The following INVS variants were observed in gnomAD, a reference collection of about 807,000 sequenced individuals.
The protein encoded by INVS is inversin, also known as inversion of embryo turning homolog.
A neutral mutation model predicts 108.8 loss-of-function variants in INVS; 86 were observed. The ratio of observed to expected loss-of-function variants is 0.79; its 90% CI spans 0.66 to 0.95. The LOEUF is 0.95. INVS is among the 40% of genes least tolerant of loss of function. The pLI is 0.00. For missense variants in INVS, 1,169 were observed against 1,297.4 expected, an observed-to-expected ratio of 0.90 and a Z score of 1.52; for synonymous variants, 455 against 473.5, an observed-to-expected ratio of 0.96 and a Z score of 0.51.
Position 100,231,275 on chromosome 9 carries a change from T to C in INVS, c.615+1448T>C, listed in dbSNP as rs927587562. On this transcript the variant is annotated intron_variant, in intron 5 of 16. Transcript: ENST00000262457. Reference sequence around the variant, plus strand: ...GATACTAAAAGTATTATTTTGTATATGCAATGCTTAGCTCTGCATTTTTTT... The same window carrying C: ...GATACTAAAAGTATTATTTTGTATACGCAATGCTTAGCTCTGCATTTTTTT... Among the ~76,000 whole-genome samples, 24 of 152,230 alleles carry C rather than the reference T, an allele frequency of 1.6e-4. 1 individual carries two copies. Among genetic ancestry groups the C allele is most frequent in the Admixed American group, 1.6e-3 (24 of 15,280 alleles).
intron 3 of INVS, among the ~76,000 whole-genome samples, chr9:100,150,155 A>C (rs1246334621): frequency 6.6e-6 from 1 of 152,146 alleles, no homozygotes; most frequent in Non-Finnish European, 1.5e-5. Flanking sequence ...CTTTAAATAC[A>C]CTGTTTTTTC....
At chr9:100,270,017 A>G (rs1478933782) in intron 11 of INVS, among the ~76,000 whole-genome samples, 1 of 152,176 alleles carries the variant, frequency 6.6e-6, no homozygotes, top group Non-Finnish European at 1.5e-5. Context: ...TGTTTAACAG[A>G]TGAGGAAAAC....
Position 100,208,484 on chromosome 9 carries a change from G to T in INVS, c.274-17578G>T, listed in dbSNP as rs59127855. ...ATCTAAGAAATCCCATCCATAGTGT[G>T]GAACTGAAGTAGAGAAGGCAAAAGA... is the stretch of plus-strand genomic sequence containing the variant. On this transcript the variant is annotated intron_variant, in intron 3 of 16. Transcript: ENST00000262457. 5.9e-3 allele frequency among the ~76,000 whole-genome samples: 892 copies of T among 152,218 alleles called. 9 individuals are homozygous for T. The highest frequency in any genetic ancestry group is 0.02 in the African/African-American group (838 of 41,538).
At chr9:100,227,388 T>A (rs1831362155) in intron 4 of INVS, among the ~76,000 whole-genome samples, 1 of 152,194 alleles carries the variant, frequency 6.6e-6, no homozygotes, top group Non-Finnish European at 1.5e-5. Flanking sequence ...TTAAATTATC[T>A]AATTGTAGAT....
In INVS at chr9:100,220,783, G is replaced by T. The variant is rs149846319; in HGVS notation, c.274-5279G>T. Among the ~76,000 whole-genome samples the T allele has an allele frequency of 7.2e-4, 109 of 152,234 alleles. 1 individual carries two copies. Among genetic ancestry groups the T allele is most frequent in the African/African-American group, 2.4e-3 (100 of 41,544 alleles). On this transcript the variant is annotated intron_variant, in intron 3 of 16. Coordinates refer to ENST00000262457, the MANE Select transcript of INVS (RefSeq NM_014425.5). ...AGGCTGAGGCAGGCGGATCACCTGA[G>T]GTCAGGAGTTTGAGACCAGCCTGGC...
chr9:100,272,748 A>G (rs1832994183), intron 11 of INVS, 116 bp from the exon 12 acceptor site: 2 of 982,074 alleles, frequency 2.0e-6, no homozygotes, highest in Middle Eastern at 4.9e-4. Flanking sequence ...TGCCTGGGGA[A>G]TATTCCACAT....
chr9:100,229,190 G>T (rs1180833900), intron 4 of INVS, among the ~76,000 whole-genome samples: 1 of 152,192 alleles, frequency 6.6e-6, no homozygotes, highest in African/African-American at 2.4e-5. Context: ...CTTCATAGCT[G>T]CTCTTTGGCA....
At chr9:100,210,807 T>C (rs1392080956) in intron 3 of INVS, among the ~76,000 whole-genome samples, 1 of 152,042 alleles carries the variant, frequency 6.6e-6, no homozygotes, top group Non-Finnish European at 1.5e-5. Context: ...TGCTTCTCAA[T>C]CCCGGTTGCA....
chr9:100,191,096 A>G (rs1365689777), intron 3 of INVS, among the ~76,000 whole-genome samples: 1 of 152,120 alleles, frequency 6.6e-6, no homozygotes, highest in African/African-American at 2.4e-5. Context: ...CCTGGTCTCA[A>G]GTAGTCCTCC....
intron 7 of INVS, among the ~76,000 whole-genome samples, chr9:100,243,870 G>T (rs1831958760): frequency 6.6e-6 from 1 of 152,118 alleles, no homozygotes; most frequent in African/African-American, 2.4e-5. Flanking sequence ...AATTAGCCGG[G>T]CGAAGTGGCT....
At chr9:100,103,443 A>T (rs1827069133) in intron 1 of INVS, among the ~76,000 whole-genome samples, 1 of 151,952 alleles carries the variant, frequency 6.6e-6, no homozygotes, top group Non-Finnish European at 1.5e-5. Context: ...CCTGGCCAAC[A>T]TGGTGAAACC....
intron 3 of INVS, among the ~76,000 whole-genome samples, chr9:100,207,999 A>G (rs1342573774): frequency 6.6e-6 from 1 of 152,204 alleles, no homozygotes; most frequent in Non-Finnish European, 1.5e-5. Flanking sequence ...GCTATAACAA[A>G]CAGGACATCT....
At chr9:100,198,312 T>G (rs1588082498) in intron 3 of INVS, among the ~76,000 whole-genome samples, 1 of 100,652 alleles carries the variant, frequency 9.9e-6, no homozygotes, top group Non-Finnish European at 2.1e-5. Context: ...TTTTTTTTTT[T>G]TTTGGAGACA....
At chr9:100,197,817 G>C (rs62578289) in intron 3 of INVS, among the ~76,000 whole-genome samples, 2,787 of 152,302 alleles carry the variant, frequency 0.018, 48 homozygotes, top group Middle Eastern at 0.051. Flanking sequence ...GTCAGACAAG[G>C]TAGGTCAGAG....
chr9:100,236,205 A>G (rs192416035), intron 5 of INVS, among the ~76,000 whole-genome samples: 6 of 152,276 alleles, frequency 3.9e-5, no homozygotes, highest in Admixed American at 2.0e-4. Context: ...TTTTAGCTCC[A>G]TCAGGTCATT....
At chr9:100,120,251 C>T (rs981518507) in intron 2 of INVS, among the ~76,000 whole-genome samples, 3 of 152,164 alleles carry the variant, frequency 2.0e-5, no homozygotes, top group Admixed American at 6.5e-5. Context: ...TACATTCAAA[C>T]TTACACAGAT....
At chr9:100,261,667 G>A (rs1378504324) in intron 10 of INVS, among the ~76,000 whole-genome samples, 2 of 152,168 alleles carry the variant, frequency 1.3e-5, no homozygotes, top group Non-Finnish European at 2.9e-5. Flanking sequence ...TCTATTAGCT[G>A]CTATGTGTAT....
intron 12 of INVS, among the ~76,000 whole-genome samples, chr9:100,283,285 T>A (rs1833333892): frequency 6.6e-6 from 1 of 152,182 alleles, no homozygotes; most frequent in South Asian, 2.1e-4. Context: ...CACTCTAGCC[T>A]AGGTAAAAGA....
At chr9:100,117,048 T>G in intron 2 of INVS, 1 of 1,347,750 alleles carries the variant, frequency 7.4e-7, no homozygotes, top group Non-Finnish European at 1.0e-6. Flanking sequence ...GGTGCAGGGA[T>G]GAGGCACACC....
Sources: allele counts gnomAD v4.1 joint callset (sites outside exome capture counted in the v4.1 genomes callset), GRCh38; gene constraint gnomAD v4.1.1; transcripts MANE v1.5; gene names NCBI Gene and HGNC (gene_info 2026-07-23, HGNC 2026-07-21).